PTPRZ1: variants seen among roughly 807,000 people sequenced by gnomAD.
The protein encoded by PTPRZ1 is receptor-type tyrosine-protein phosphatase zeta.
Under a neutral mutation model 214.1 loss-of-function variants are expected in PTPRZ1, and 82 were observed. That is an observed-to-expected ratio of 0.38 (90% CI 0.32 to 0.46). PTPRZ1 has a LOEUF of 0.46. PTPRZ1 is among the 20% of genes least tolerant of loss of function. The pLI, the probability that PTPRZ1 is intolerant of heterozygous loss-of-function variation, is 1.00. For missense variants in PTPRZ1, 2,603 were observed against 2,748.7 expected, an observed-to-expected ratio of 0.95 and a Z score of 1.19; for synonymous variants, 945 against 987.9, an observed-to-expected ratio of 0.96 and a Z score of 0.81.
chr7:121,953,793 A>G (rs1796628849), intron 2 of PTPRZ1, among the ~76,000 whole-genome samples: 1 of 146,122 alleles, frequency 6.8e-6, no homozygotes, highest in African/African-American at 2.5e-5. Context: ...TAGATCAAAG[A>G]AAACGGTGAT....
At chr7:121,927,754 A>T (rs749471344) in intron 1 of PTPRZ1, among the ~76,000 whole-genome samples, 2 of 152,230 alleles carry the variant, frequency 1.3e-5, no homozygotes, top group African/African-American at 4.8e-5. Context: ...TAAAACTTGG[A>T]TTGTAAACAT....
At chr7:121,883,182 T>C (rs1240851506) in intron 1 of PTPRZ1, among the ~76,000 whole-genome samples, 2 of 152,330 alleles carry the variant, frequency 1.3e-5, no homozygotes, top group Admixed American at 6.5e-5. Flanking sequence ...ACATTTTCTC[T>C]GAACAGATTA....
intron 1 of PTPRZ1, among the ~76,000 whole-genome samples, chr7:121,917,437 C>T (rs1378286932): frequency 1.3e-5 from 2 of 152,110 alleles, no homozygotes; most frequent in South Asian, 2.1e-4. Flanking sequence ...AATCAGATAG[C>T]ATCAGAAAAC....
At chr7:122,017,650 T>A (rs1427711201) in intron 12 of PTPRZ1, among the ~76,000 whole-genome samples, 1 of 151,838 alleles carries the variant, frequency 6.6e-6, no homozygotes, top group African/African-American at 2.4e-5. Flanking sequence ...CAACCTCTAC[T>A]TCCCGGGTTC....
At chr7:122,056,696 T>C (rs185373845) in intron 27 of PTPRZ1, among the ~76,000 whole-genome samples, 1 of 151,900 alleles carries the variant, frequency 6.6e-6, no homozygotes, top group East Asian at 1.9e-4. Flanking sequence ...TTAAATTACT[T>C]TTACCCACCA....
chr7:121,888,264 T>G (rs896931534), intron 1 of PTPRZ1, among the ~76,000 whole-genome samples: 1 of 151,784 alleles, frequency 6.6e-6, no homozygotes, highest in Non-Finnish European at 1.5e-5. Context: ...TTCTCTTCTT[T>G]GGGCTGCTGA....
intron 12 of PTPRZ1, among the ~76,000 whole-genome samples, chr7:122,017,654 C>T (rs1206384): frequency 0.061 from 9,314 of 151,780 alleles, 507 homozygotes; most frequent in African/African-American, 0.15. Context: ...CTCTACTTCC[C>T]GGGTTCAGGC....
intron 10 of PTPRZ1, among the ~76,000 whole-genome samples, chr7:121,999,116 G>A (rs1798246070): frequency 6.6e-6 from 1 of 152,044 alleles, no homozygotes; most frequent in South Asian, 2.1e-4. Context: ...CCAAACTACA[G>A]GCTACAAAAC....
chr7:121,959,674 G>T (rs1385795092), intron 2 of PTPRZ1, among the ~76,000 whole-genome samples: 2 of 152,154 alleles, frequency 1.3e-5, no homozygotes, highest in Admixed American at 6.5e-5. Flanking sequence ...CATCTAAAAA[G>T]TGTCTTCTTA....
chr7:122,013,332 A>C lies in PTPRZ1; in HGVS notation c.4286A>C (p.Asp1429Ala). ...GDTDDDGDDDDDDRGSDGLSI... is the reference protein window; with the variant it reads ...GDTDDDGDDDADDRGSDGLSI... ...ACTGATGATGATGGTGATGATGATG[A>C]TGATGACAGAGGTAGTGATGGCTTA... Residue 1429 changes from aspartate to alanine, a missense_variant, in exon 12 of 30, where the codon GAT (aspartate) becomes GCT (alanine). Physicochemically the swap from Asp to Ala is moderately radical, Grantham distance 126. Transcript: ENST00000393386. 6.2e-7 allele frequency: 1 copy of C among 1,614,084 alleles called. No homozygotes were observed. The highest frequency in any genetic ancestry group is 8.5e-7 in the Non-Finnish European group (1 of 1,179,972).
Position 122,013,223 on chromosome 7 carries a change from CTGT to C in PTPRZ1, c.4179_4181del (p.Phe1394del). The C allele has an allele frequency of 1.2e-6, 2 of 1,614,186 alleles. No individual in the cohort carries two copies. The highest frequency in any genetic ancestry group is 1.7e-6 in the Non-Finnish European group (2 of 1,180,030). ...TGGTTCTGTAACCTCAACAAAGTTGCTGTTTCCTTCTAAGGCAACTTCTGAGCT... is the reference window on the plus strand; with the variant it reads ...TGGTTCTGTAACCTCAACAAAGTTGCTTCCTTCTAAGGCAACTTCTGAGCT... On this transcript the variant is annotated inframe_deletion, in exon 12 of 30. Coordinates refer to ENST00000393386, the MANE Select transcript of PTPRZ1 (RefSeq NM_002851.3).
Position 121,907,634 on chromosome 7 carries a change from C to T in PTPRZ1, c.59-20522C>T, listed in dbSNP as rs916115677. 4.0e-5 allele frequency among the ~76,000 whole-genome samples: 6 copies of T among 151,568 alleles called. No individual in the cohort carries two copies. In the South Asian group the frequency reaches 8.3e-4, roughly 21 times the overall value. On this transcript the variant is annotated intron_variant, in intron 1 of 29. Coordinates refer to ENST00000393386, the MANE Select transcript of PTPRZ1 (RefSeq NM_002851.3). ...AAGGTTTAGAGTATTTATATTTATA[C>T]GTTAAAATCTTTGGAAAGGCCTAAA...
chr7:121,967,517 C>T (rs1797080679), intron 2 of PTPRZ1, among the ~76,000 whole-genome samples: 1 of 152,186 alleles, frequency 6.6e-6, no homozygotes, highest in African/African-American at 2.4e-5. Flanking sequence ...CTAGGACTAA[C>T]TACCTTACAG....
intron 11 of PTPRZ1, among the ~76,000 whole-genome samples, chr7:122,008,221 G>T (rs1312512532): frequency 6.6e-6 from 1 of 152,104 alleles, no homozygotes; most frequent in Non-Finnish European, 1.5e-5. Flanking sequence ...AATAGACATT[G>T]TTAGATCATA....
At chr7:122,027,750 C>T (rs1030465408) in intron 13 of PTPRZ1, among the ~76,000 whole-genome samples, 7 of 152,090 alleles carry the variant, frequency 4.6e-5, no homozygotes, top group Admixed American at 2.0e-4. Flanking sequence ...GTGGTGTGCT[C>T]TTACCAGATG....
chr7:121,990,332 C>T (rs1397304243), intron 8 of PTPRZ1, among the ~76,000 whole-genome samples: 1 of 152,014 alleles, frequency 6.6e-6, no homozygotes, highest in Non-Finnish European at 1.5e-5. Flanking sequence ...GCATTCACAG[C>T]AGGCGCTCAA....
intron 11 of PTPRZ1, among the ~76,000 whole-genome samples, chr7:122,005,445 T>C (rs1467779482): frequency 6.6e-6 from 1 of 151,976 alleles, no homozygotes; most frequent in Non-Finnish European, 1.5e-5. Context: ...AGTGCTGTTA[T>C]CTAGCAATAA....
At chr7:121,973,694 G>A (rs1797328667) in intron 4 of PTPRZ1, among the ~76,000 whole-genome samples, 1 of 152,114 alleles carries the variant, frequency 6.6e-6, no homozygotes, top group South Asian at 2.1e-4. Context: ...AGCACTTCGG[G>A]AGGCCGAGAT....
intron 1 of PTPRZ1, among the ~76,000 whole-genome samples, chr7:121,917,134 AATG>A (rs929152718): frequency 3.9e-5 from 6 of 152,178 alleles, no homozygotes; most frequent in African/African-American, 9.6e-5. Context: ...AAGGAAATAA[AATG>A]ATAACTAGTA....
Sources: gnomAD v4.1 joint callset for allele counts (sites outside exome capture counted in the v4.1 genomes callset) on GRCh38, gnomAD v4.1.1 for gene constraint, MANE v1.5 for transcripts, NCBI Gene and HGNC (gene_info 2026-07-23, HGNC 2026-07-21) for gene names.